CCDC83: variants seen among roughly 807,000 people sequenced by gnomAD.
CCDC83 encodes the protein coiled-coil domain-containing protein 83.
Under a neutral mutation model 50.1 loss-of-function variants are expected in CCDC83, and 54 were observed. That is an observed-to-expected ratio of 1.08 (90% confidence interval 0.87 to 1.35). CCDC83 has a LOEUF of 1.35. CCDC83 is among the 40% of genes most tolerant of loss of function. The pLI, the probability that CCDC83 is intolerant of heterozygous loss-of-function variation, is 0.00. For missense variants in CCDC83, 518 were observed against 473.9 expected, an observed-to-expected ratio of 1.09 and a Z score of -0.86; for synonymous variants, 161 against 153.3, an observed-to-expected ratio of 1.05 and a Z score of -0.37.
chr11:85,913,773 T>C (rs546326339), intron 8 of CCDC83, among the ~76,000 whole-genome samples: 2 of 152,310 alleles, frequency 1.3e-5, no homozygotes, highest in South Asian at 4.1e-4. Context: ...CAGCCAGAGG[T>C]GACTGCCCAG....
At chr11:85,914,305 T>C (rs1357027895) in intron 8 of CCDC83, among the ~76,000 whole-genome samples, 1 of 152,238 alleles carries the variant, frequency 6.6e-6, no homozygotes, top group Non-Finnish European at 1.5e-5. Context: ...AAGCGTTCAA[T>C]TACTTCATGC....
At chr11:85,857,604 A>G (rs2093149462) in intron 1 of CCDC83, among the ~76,000 whole-genome samples, 1 of 152,214 alleles carries the variant, frequency 6.6e-6, no homozygotes, top group African/African-American at 2.4e-5. Context: ...GGATCCTGAA[A>G]GTGCCTGCCA....
At chr11:85,859,794 C>T (rs747534747) in intron 1 of CCDC83, among the ~76,000 whole-genome samples, 3 of 152,114 alleles carry the variant, frequency 2.0e-5, no homozygotes, top group African/African-American at 4.8e-5. Context: ...CCAAAAGCAA[C>T]TGCAACAACA....
intron 7 of CCDC83, among the ~76,000 whole-genome samples, chr11:85,899,349 T>C (rs561560567): frequency 2.0e-5 from 3 of 152,362 alleles, no homozygotes; most frequent in African/African-American, 7.2e-5. Context: ...TCTAAGCTGA[T>C]TCTCTGCTGG....
intron 7 of CCDC83, among the ~76,000 whole-genome samples, chr11:85,901,858 G>A (rs957241151): frequency 2.9e-4 from 42 of 143,530 alleles, no homozygotes; most frequent in Non-Finnish European, 4.7e-4. Context: ...GCAAGATCCC[G>A]GCTCTACAAA....
intron 1 of CCDC83, among the ~76,000 whole-genome samples, chr11:85,858,600 A>G (rs1349921309): frequency 6.6e-6 from 1 of 152,198 alleles, no homozygotes; most frequent in African/African-American, 2.4e-5. Context: ...TGGTCATGAT[A>G]GGGGTACAAG....
rs762901381 is a variant in CCDC83 at position 85,919,465 on chromosome 11, C to G, written c.1197C>G (p.Ser399Arg). 6.2e-7 allele frequency: 1 copy of G among 1,611,468 alleles called. No homozygotes were observed. The highest frequency in any genetic ancestry group is 8.5e-7 in the Non-Finnish European group (1 of 1,178,696). ...TCAAACTCTATAAAGATGTCAGGAG[C>G]CCAGAAAGCCACATCACATATAAGA... ...IPVKLYKDVR[S>R]PESHITYKMM... Residue 399 changes from serine (S) to arginine (R), a missense_variant, in exon 11 of 11, where the codon AGC (serine) becomes AGG (arginine). By Grantham distance (110) the Ser-to-Arg change is moderately radical. Transcript: ENST00000342404.
At chr11:85,910,833 C>A (rs1252431550) in intron 7 of CCDC83, among the ~76,000 whole-genome samples, 1 of 152,100 alleles carries the variant, frequency 6.6e-6, no homozygotes, top group Non-Finnish European at 1.5e-5. Flanking sequence ...TAGGTCTTCC[C>A]CTCAGGCAAA....
chr11:85,892,701 T>G (rs2093355960), intron 5 of CCDC83, among the ~76,000 whole-genome samples: 1 of 152,186 alleles, frequency 6.6e-6, no homozygotes, highest in African/African-American at 2.4e-5. Context: ...ACTTTTAGAT[T>G]GATTATTGTG....
intron 5 of CCDC83, 118 bp downstream of exon 5, chr11:85,886,485 G>A: frequency 1.3e-6 from 1 of 752,524 alleles, no homozygotes; most frequent in Non-Finnish European, 1.9e-6. Context: ...GTCAGCACAA[G>A]CAGCTGTGAG....
intron 4 of CCDC83, 82 bp from the exon 5 acceptor site, chr11:85,886,118 A>C: frequency 9.2e-7 from 1 of 1,086,550 alleles, no homozygotes; most frequent in Non-Finnish European, 1.3e-6. Context: ...TTAATATCAG[A>C]TCTTAACTTC....
At chr11:85,872,552 G>A (rs984514090) in intron 2 of CCDC83, among the ~76,000 whole-genome samples, 12 of 152,198 alleles carry the variant, frequency 7.9e-5, no homozygotes, top group African/African-American at 2.9e-4. Flanking sequence ...AGAGTGCTGG[G>A]ATTACAGGTG....
At chr11:85,889,770 T>C (rs1467707976) in intron 5 of CCDC83, among the ~76,000 whole-genome samples, 1 of 152,216 alleles carries the variant, frequency 6.6e-6, no homozygotes. Context: ...CTGCTTTACA[T>C]GCAAGGAAGA....
At chr11:85,856,040 C>T (rs1449534779) in intron 1 of CCDC83, among the ~76,000 whole-genome samples, 1 of 152,106 alleles carries the variant, frequency 6.6e-6, no homozygotes, top group Non-Finnish European at 1.5e-5. Flanking sequence ...CTAAAGAAAA[C>T]ACTTGGTTTC....
intron 5 of CCDC83, among the ~76,000 whole-genome samples, chr11:85,890,489 T>C (rs994421267): frequency 6.6e-6 from 1 of 152,038 alleles, no homozygotes; most frequent in Non-Finnish European, 1.5e-5. Context: ...AACAGAAAAG[T>C]TGTTACCAAC....
At position 85,908,601 on chromosome 11, in the gene CCDC83, AGATAGATAGACAGAT is replaced by A. The variant is rs1253043667; in HGVS notation, c.673-2679_673-2665del. Among the ~76,000 whole-genome samples the A allele has an allele frequency of 9.1e-4, 122 of 134,438 alleles. 1 individual carries two copies. The highest frequency in any genetic ancestry group is 1.2e-3 in the South Asian group (5 of 4,152). The allele number at this position is 134,438 out of a possible 152,430, so 88.2% of individuals were successfully genotyped here. A position where few individuals can be genotyped will look rare whatever the true frequency, so the allele number is the denominator to read the frequency against. On this transcript the variant is annotated intron_variant, in intron 7 of 10. Coordinates refer to ENST00000342404, the MANE Select transcript of CCDC83 (RefSeq NM_001286159.2). ...TAGATAGATAGATAGATAGATAGAT[AGATAGATAGACAGAT>A]AGAATTCATGGCCGGGTGGCTCATG...
chr11:85,905,959 G>A (rs574641089), intron 7 of CCDC83, among the ~76,000 whole-genome samples: 22 of 112,796 alleles, frequency 2.0e-4, no homozygotes, highest in African/African-American at 7.8e-4. Context: ...ACAAGAGCAT[G>A]ACTCCGTCTC....
upstream of CCDC83, chr11:85,855,281 T>A (rs1365926287): frequency 6.5e-6 from 1 of 153,024 alleles, no homozygotes; most frequent in East Asian, 1.9e-4. Flanking sequence ...CACTGAAGAC[T>A]TTATAAGCTT....
intron 6 of CCDC83, among the ~76,000 whole-genome samples, chr11:85,897,970 A>G (rs1383709568): frequency 6.6e-6 from 1 of 152,154 alleles, no homozygotes; most frequent in East Asian, 1.9e-4. Context: ...CAGCCTGGCC[A>G]ACATGGTGAA....
Sources: gnomAD v4.1 joint callset for allele counts (sites outside exome capture counted in the v4.1 genomes callset) on GRCh38, gnomAD v4.1.1 for gene constraint, MANE v1.5 for transcripts, NCBI Gene and HGNC (gene_info 2026-07-23, HGNC 2026-07-21) for gene names.